The following XDH variants were observed in gnomAD, a reference collection of about 807,000 sequenced individuals.
XDH encodes the protein xanthine dehydrogenase, also known as xanthine dehydrogenase/oxidase.
XDH carries 138 observed loss-of-function variants against 156.1 expected under a neutral mutation model. The ratio of observed to expected loss-of-function variants is 0.88; its 90% CI spans 0.77 to 1.02. The LOEUF (loss-of-function observed/expected upper bound fraction) is 1.02, where lower values mean the gene tolerates loss of function less well. Among genes scored for constraint, XDH ranks in the 50% least tolerant of loss-of-function variants. The pLI is 0.00. For missense variants in XDH, 1,849 were observed against 1,684.9 expected (o/e 1.10, Z -1.71); for synonymous variants, 669 against 625.7 (o/e 1.07, Z -1.03).
intron 25 of XDH, 48 bp from the exon 26 acceptor site, chr2:31,349,879 T>TG: frequency 6.2e-7 from 1 of 1,612,602 alleles, no homozygotes; most frequent in Non-Finnish European, 8.5e-7. Flanking sequence ...CAAGAGACTG[T>TG]GGGGGCAGGG....
intron 24 of XDH, among the ~76,000 whole-genome samples, chr2:31,351,059 T>C (rs1320933967): frequency 3.9e-5 from 6 of 152,172 alleles, no homozygotes; most frequent in Non-Finnish European, 8.8e-5. Flanking sequence ...GACTTTTAGG[T>C]TGTCTTTCTT....
intron 4 of XDH, among the ~76,000 whole-genome samples, chr2:31,400,406 T>C (rs974155924): frequency 6.6e-6 from 1 of 151,980 alleles, no homozygotes; most frequent in Non-Finnish European, 1.5e-5. Flanking sequence ...GCCTGGCTAA[T>C]TTTTTGGTAT....
chr2:31,402,216 TA>T lies in XDH; in HGVS notation c.197+831del, dbSNP rs531977411. Among the ~76,000 whole-genome samples, 379 of 152,302 alleles carry T rather than the reference TA, an allele frequency of 2.5e-3. 2 individuals carry two copies. The highest frequency in any genetic ancestry group is 8.8e-3 in the African/African-American group (367 of 41,582). On this transcript the variant is annotated intron_variant, in intron 3 of 35. Transcript: ENST00000379416. The stretch of plus-strand genomic sequence containing the variant: ...GAAGTAGTCAACAAACTTATAACTA[TA>T]GTACTAGGGACTTTCCAGTGGGATA...
Position 31,372,313 on chromosome 2 carries a change from C to T in XDH, c.1771G>A (p.Ala591Thr), listed in dbSNP as rs752427508. Residue 591 changes from alanine (A) to threonine (T), a missense_variant, in exon 17 of 36, where the codon GCC becomes ACC. By Grantham distance (58) the Ala-to-Thr change is moderately conservative. Transcript: ENST00000379416. Reference protein sequence around the residue: ...LAADMQASGEAVYCDDIPRYE... With the variant: ...LAADMQASGETVYCDDIPRYE... ...CGAGGAATGTCGTCACAGTACACGG[C>T]CTCACCAGAGGCCTGCATGTCCGCT... The T allele has an allele frequency of 1.2e-6, 2 of 1,614,226 alleles. No homozygotes were observed. The highest frequency in any genetic ancestry group is 2.2e-5 in the East Asian group (1 of 44,882).
chr2:31,352,420 A>G (rs1160666587), intron 24 of XDH, among the ~76,000 whole-genome samples: 8 of 151,966 alleles, frequency 5.3e-5, no homozygotes, highest in Admixed American at 5.2e-4. Flanking sequence ...AAGTTGCTTT[A>G]TGTGTCTTTG....
Position 31,366,986 on chromosome 2 carries a change from A to T in XDH, c.2206T>A (p.Tyr736Asn). The change falls in exon 21 of 36, where the codon TAC (tyrosine) becomes AAC (asparagine). Residue 736 changes from tyrosine to asparagine, a missense_variant. Coordinates refer to ENST00000379416, the MANE Select transcript of XDH (RefSeq NM_000379.4). ...EADNVVSGEIYIGGQEHFYLE... is the reference protein window; with the variant it reads ...EADNVVSGEINIGGQEHFYLE... ...TAGAAGTGCTCTTGGCCACCGATGT[A>T]TATCTCCCCTGGGGAAGCAGTGAGA... 1 of 1,614,086 alleles carries T rather than the reference A, an allele frequency of 6.2e-7. No homozygotes were observed. The highest frequency in any genetic ancestry group is 8.5e-7 in the Non-Finnish European group (1 of 1,179,926).
At chr2:31,339,129 A>G (rs1014439551) in intron 34 of XDH, among the ~76,000 whole-genome samples, 1 of 152,068 alleles carries the variant, frequency 6.6e-6, no homozygotes, top group South Asian at 2.1e-4. Flanking sequence ...ATTGGACCAT[A>G]CTAATGCTGT....
intron 6 of XDH, among the ~76,000 whole-genome samples, chr2:31,389,951 T>C (rs1418254953): frequency 1.3e-5 from 2 of 152,176 alleles, no homozygotes; most frequent in African/African-American, 4.8e-5. Flanking sequence ...CGCACAACCT[T>C]TCTCACTTCA....
In XDH at chr2:31,349,765, T is replaced by C. The variant is rs1222059152; in HGVS notation, c.2890A>G (p.Thr964Ala). The change falls in exon 26 of 36, where the codon ACC becomes GCC. Residue 964 changes from threonine (T) to alanine (A), a missense_variant. Transcript: ENST00000379416. ...THFNQKLEGF[T>A]LPRCWEECLA... is the part of the protein sequence containing the mutation. ...CATTCTTCCCAGCATCTGGGCAAGGTGAAACCCTCAAGCTTCTGGTTGAAG... is the reference window on the plus strand; with the variant it reads ...CATTCTTCCCAGCATCTGGGCAAGGCGAAACCCTCAAGCTTCTGGTTGAAG... 6.2e-7 allele frequency: 1 copy of C among 1,614,026 alleles called. No homozygotes were observed. Among genetic ancestry groups the C allele is most frequent in the African/African-American group, 1.3e-5 (1 of 74,900 alleles).
chr2:31,382,560 G>A (rs1686466281), intron 11 of XDH, among the ~76,000 whole-genome samples: 1 of 152,096 alleles, frequency 6.6e-6, no homozygotes, highest in Admixed American at 6.5e-5. Flanking sequence ...CTCCCTCTGT[G>A]GGAGGGCTCT....
rs777041375 is a variant in XDH at position 31,365,536 on chromosome 2, C to T, written c.2465G>A (p.Arg822His). 7.4e-6 allele frequency: 12 copies of T among 1,614,030 alleles called. No homozygotes were observed. In the Admixed American group the frequency reaches 1.2e-4, roughly 16 times the overall value. Residue 822 changes from arginine to histidine, a missense_variant, in exon 23 of 36, where the codon CGC becomes CAC. Arg to His is a conservative substitution (Grantham distance 29, BLOSUM62 0). Transcript: ENST00000379416. ...AVALAAYKTG[R>H]PVRCMLDRDE... ...ACGGTCCAGCATGCATCGCACAGGG[C>T]GGCCGGTCCTGGGGGTTACCGACAG... is the stretch of plus-strand genomic sequence containing the variant.
intron 2 of XDH, among the ~76,000 whole-genome samples, chr2:31,404,538 T>C (rs1282160391): frequency 2.0e-5 from 3 of 152,314 alleles, no homozygotes; most frequent in East Asian, 3.9e-4. Flanking sequence ...ACACAGCCAA[T>C]TGCTGATAAG....
At chr2:31,369,920 TTTTG>T (rs1468808725) in intron 18 of XDH, among the ~76,000 whole-genome samples, 2 of 152,168 alleles carry the variant, frequency 1.3e-5, no homozygotes, top group East Asian at 3.8e-4. Flanking sequence ...ATTTGAAAAA[TTTTG>T]TTTGTTGTTG....
In XDH at chr2:31,369,515, A is replaced by C. The variant is rs1329955533; in HGVS notation, c.1980+840T>G. 1.2e-4 allele frequency among the ~76,000 whole-genome samples: 18 copies of C among 152,252 alleles called. No homozygotes were observed. The East Asian group carries it at 3.5e-3, about 30-fold the overall frequency. Reference sequence around the variant, plus strand: ...CAATAGGAACCAACAATTAGTATGCATGTCTCTGATAATTATCTCTTATGG... The same window carrying C: ...CAATAGGAACCAACAATTAGTATGCCTGTCTCTGATAATTATCTCTTATGG... On this transcript the variant is annotated intron_variant, in intron 18 of 35. Transcript: ENST00000379416.
In XDH at chr2:31,348,337, T is replaced by C; in HGVS notation, c.3078A>G (p.Thr1026=). 6.2e-7 allele frequency: 1 copy of C among 1,614,236 alleles called. No homozygotes were observed. The highest frequency in any genetic ancestry group is 8.5e-7 in the Non-Finnish European group (1 of 1,180,040). ...CGTGGGTCAGCAGCACAGAGCCATCTGTGTACACATGAAGTAGGGCTCCTG... is the reference window on the plus strand; with the variant it reads ...CGTGGGTCAGCAGCACAGAGCCATCCGTGTACACATGAAGTAGGGCTCCTG... ...NQAGALLHVY[T]DGSVLLTHGG... is the part of the protein sequence containing the mutation. Residue 1026 remains threonine, a synonymous_variant, in exon 28 of 36, where the codon ACA becomes ACG. Coordinates refer to ENST00000379416, the MANE Select transcript of XDH (RefSeq NM_000379.4).
At position 31,399,667 on chromosome 2, in the gene XDH, T is replaced by C. The variant is rs576128187; in HGVS notation, c.307-968A>G. Among the ~76,000 whole-genome samples the C allele has an allele frequency of 2.6e-5, 4 of 152,312 alleles. No individual in the cohort carries two copies. In the South Asian group the frequency reaches 8.3e-4, roughly 32 times the overall value. Reference sequence around the variant, plus strand: ...CGAGAGGGACCCTGTGGGAGATAACTGAATCATGGGGGTGGTTCCCCCATC... The same window carrying C: ...CGAGAGGGACCCTGTGGGAGATAACCGAATCATGGGGGTGGTTCCCCCATC... On this transcript the variant is annotated intron_variant, in intron 4 of 35. Coordinates refer to ENST00000379416, the MANE Select transcript of XDH (RefSeq NM_000379.4).
At chr2:31,405,667 A>T (rs538607397) in intron 2 of XDH, among the ~76,000 whole-genome samples, 6 of 152,278 alleles carry the variant, frequency 3.9e-5, no homozygotes, top group African/African-American at 1.4e-4. Context: ...AAACCTTGGC[A>T]TTACTAGAGT....
intron 13 of XDH, among the ~76,000 whole-genome samples, chr2:31,378,094 G>GA (rs1411968823): frequency 1.7e-5 from 1 of 58,464 alleles, no homozygotes; most frequent in Non-Finnish European, 3.2e-5. Context: ...AAGAAAGAAA[G>GA]AAAGAAAGAA....
At chr2:31,396,798 A>G (rs1488912938) in intron 6 of XDH, among the ~76,000 whole-genome samples, 2 of 152,232 alleles carry the variant, frequency 1.3e-5, no homozygotes, top group Non-Finnish European at 2.9e-5. Flanking sequence ...ATTCTTCATC[A>G]GCAGCAGCAT....
Sources: allele counts gnomAD v4.1 joint callset (sites outside exome capture counted in the v4.1 genomes callset), GRCh38; gene constraint gnomAD v4.1.1; transcripts MANE v1.5; gene names NCBI Gene and HGNC (gene_info 2026-07-23, HGNC 2026-07-21).